Variants in TBC1D22A observed in about 807,000 individuals in gnomAD.
TBC1D22A encodes putative GTPase activator.
Under a neutral mutation model 60.2 loss-of-function variants are expected in TBC1D22A, and 38 were observed. The observed-to-expected ratio is 0.63, with a 90% CI of 0.49 to 0.83. TBC1D22A has a LOEUF of 0.83. Among genes scored for constraint, TBC1D22A ranks in the 40% least tolerant of loss-of-function variants. The probability of loss-of-function intolerance (pLI) is 0.00; values close to 1 mark genes in which losing one functional copy is unlikely to be tolerated. For synonymous variants in TBC1D22A, 302 were observed against 281.7 expected, an observed-to-expected ratio of 1.07 and a Z score of -0.72; for missense variants, 628 against 701.0, an observed-to-expected ratio of 0.90 and a Z score of 1.18.
chr22:46,790,465 A>T (rs1373287575), intron 1 of TBC1D22A, among the ~76,000 whole-genome samples: 2 of 152,176 alleles, frequency 1.3e-5, no homozygotes, highest in Non-Finnish European at 2.9e-5. Flanking sequence ...GGGCATTAGG[A>T]TGTGGACGTC....
intron 4 of TBC1D22A, among the ~76,000 whole-genome samples, chr22:46,870,393 A>G (rs2067246603): frequency 6.6e-6 from 1 of 152,246 alleles, no homozygotes; most frequent in Admixed American, 6.5e-5. Context: ...AAATATTCCA[A>G]AGTTTCAGTT....
At chr22:46,905,743 C>T (rs1331578805) in intron 7 of TBC1D22A, among the ~76,000 whole-genome samples, 1 of 152,242 alleles carries the variant, frequency 6.6e-6, no homozygotes, top group Non-Finnish European at 1.5e-5. Flanking sequence ...AAGCTTCCCC[C>T]TGCCTTGCTG....
chr22:47,077,753 G>A (rs952592384), intron 11 of TBC1D22A, among the ~76,000 whole-genome samples: 18 of 152,206 alleles, frequency 1.2e-4, no homozygotes, highest in Non-Finnish European at 2.1e-4. Context: ...CAGGGCCATT[G>A]GGCTTAGTCT....
intron 10 of TBC1D22A, among the ~76,000 whole-genome samples, chr22:47,032,119 G>T (rs993407600): frequency 6.6e-6 from 1 of 152,238 alleles, no homozygotes; most frequent in Non-Finnish European, 1.5e-5. Context: ...GTGGGCTGCT[G>T]CTGCTCTAGG....
chr22:46,999,333 A>T (rs2075230950), intron 10 of TBC1D22A, among the ~76,000 whole-genome samples: 1 of 152,206 alleles, frequency 6.6e-6, no homozygotes, highest in Non-Finnish European at 1.5e-5. Context: ...TGAGTAGGCC[A>T]TTTTCATATG....
intron 8 of TBC1D22A, chr22:46,915,456 C>T (rs1233198871): frequency 2.2e-6 from 1 of 456,554 alleles, no homozygotes; most frequent in East Asian, 6.9e-5. Context: ...GTCCTTGGGC[C>T]TCAGCGTTCA....
chr22:46,862,451 TG>T (rs2087947507), intron 4 of TBC1D22A, among the ~76,000 whole-genome samples: 1 of 152,174 alleles, frequency 6.6e-6, no homozygotes, highest in Non-Finnish European at 1.5e-5. Context: ...AGCCCCCTCT[TG>T]CTTCTGTTCT....
chr22:46,873,956 G>A (rs761391451), intron 4 of TBC1D22A, among the ~76,000 whole-genome samples: 1 of 152,082 alleles, frequency 6.6e-6, no homozygotes. Context: ...ACCACCATGT[G>A]CAGCTAATTT....
chr22:46,902,516 T>C (rs2069072329), intron 7 of TBC1D22A, among the ~76,000 whole-genome samples: 1 of 152,264 alleles, frequency 6.6e-6, no homozygotes, highest in South Asian at 2.1e-4. Flanking sequence ...GCCGCATCCT[T>C]AGGGCGTCCT....
intron 1 of TBC1D22A, among the ~76,000 whole-genome samples, chr22:46,789,780 A>G (rs2084327598): frequency 1.3e-5 from 2 of 151,820 alleles, no homozygotes; most frequent in South Asian, 4.2e-4. Flanking sequence ...ACCCTTCTTT[A>G]TTTTTTTTTA....
chr22:47,159,191 C>G (rs546778016), intron 12 of TBC1D22A, among the ~76,000 whole-genome samples: 2 of 150,698 alleles, frequency 1.3e-5, no homozygotes, highest in Non-Finnish European at 3.0e-5. Context: ...ACAACACACA[C>G]CACGCACACA....
intron 11 of TBC1D22A, among the ~76,000 whole-genome samples, chr22:47,080,918 C>T (rs898992203): frequency 1.3e-5 from 2 of 151,958 alleles, no homozygotes; most frequent in East Asian, 1.9e-4. Context: ...GTCAGGAGAT[C>T]GAGACCAGCC....
chr22:46,934,645 T>C (rs1469944767), intron 8 of TBC1D22A, among the ~76,000 whole-genome samples: 1 of 152,216 alleles, frequency 6.6e-6, no homozygotes, highest in Non-Finnish European at 1.5e-5. Context: ...GATGGAGTCC[T>C]GAGGGTGAGG....
chr22:46,982,838 T>C (rs1265228111), intron 9 of TBC1D22A, among the ~76,000 whole-genome samples: 1 of 152,176 alleles, frequency 6.6e-6, no homozygotes, highest in East Asian at 1.9e-4. Flanking sequence ...TTGTTGGCCA[T>C]GCAGAGCAAG....
At chr22:46,821,893 C>A (rs578233625) in intron 4 of TBC1D22A, among the ~76,000 whole-genome samples, 11 of 152,070 alleles carry the variant, frequency 7.2e-5, no homozygotes, top group African/African-American at 2.7e-4. Context: ...TAGGTTCGGT[C>A]ATTTTATGAA....
At chr22:46,817,342 G>A (rs953151014) in intron 4 of TBC1D22A, among the ~76,000 whole-genome samples, 28 of 151,902 alleles carry the variant, frequency 1.8e-4, no homozygotes, top group African/African-American at 6.3e-4. Flanking sequence ...GGTTACGTGT[G>A]CCATGGTGGT....
chr22:46,848,486 A>C (rs1409234376), intron 4 of TBC1D22A, among the ~76,000 whole-genome samples: 1 of 152,156 alleles, frequency 6.6e-6, no homozygotes, highest in East Asian at 1.9e-4. Context: ...ATTTCAGAGC[A>C]GCCTGTATGG....
intron 4 of TBC1D22A, among the ~76,000 whole-genome samples, chr22:46,853,406 G>A (rs187490293): frequency 6.6e-6 from 1 of 152,108 alleles, no homozygotes; most frequent in Non-Finnish European, 1.5e-5. Context: ...AGGAAATCTT[G>A]AACATTTGAA....
At position 46,902,589 on chromosome 22, in the gene TBC1D22A, G is replaced by A. The variant is rs117591060; in HGVS notation, c.900+7743G>A. Among the ~76,000 whole-genome samples the A allele has an allele frequency of 3.9e-5, 6 of 152,340 alleles. No homozygotes were observed. The South Asian group carries it at 1.0e-3, about 26-fold the overall frequency. On this transcript the variant is annotated intron_variant, in intron 7 of 12. Transcript: ENST00000337137. ...AGCGACAGCTCACTTGCTGGAATGC[G>A]AGTTGCTGTCCTGGGACAGAGCCCC...
Sources: gnomAD v4.1 joint callset for allele counts (sites outside exome capture counted in the v4.1 genomes callset) on GRCh38, gnomAD v4.1.1 for gene constraint, MANE v1.5 for transcripts, NCBI Gene and HGNC (gene_info 2026-07-23, HGNC 2026-07-21) for gene names.